BICD1: variants seen among roughly 807,000 people sequenced by gnomAD.
BICD1 encodes the protein BICD cargo adaptor 1, also known as protein bicaudal D homolog 1.
In BICD1, 35 loss-of-function variants were observed where a neutral mutation model predicts 92.5. The ratio of observed to expected loss-of-function variants is 0.38; its 90% CI spans 0.29 to 0.50. The LOEUF is 0.50. Ranked by LOEUF, BICD1 falls within the 20% of genes least tolerant of loss-of-function variation. The pLI is 0.93. For missense variants in BICD1, 950 were observed against 1,189.8 expected (o/e 0.80, Z 2.97); for synonymous variants, 429 against 465.1 (o/e 0.92, Z 1.00).
At chr12:32,326,754 A>G (rs1181635822) in intron 4 of BICD1, among the ~76,000 whole-genome samples, 1 of 152,154 alleles carries the variant, frequency 6.6e-6, no homozygotes, top group Non-Finnish European at 1.5e-5. Context: ...GTGGTGGTGC[A>G]TACCTGTAGT....
chr12:32,210,564 T>C (rs2121549813), intron 1 of BICD1, among the ~76,000 whole-genome samples: 1 of 152,314 alleles, frequency 6.6e-6, no homozygotes, highest in South Asian at 2.1e-4. Flanking sequence ...ATTACATAGC[T>C]AACTGGACTT....
intron 2 of BICD1, among the ~76,000 whole-genome samples, chr12:32,232,525 C>T (rs1456965619): frequency 6.8e-6 from 1 of 147,524 alleles, no homozygotes; most frequent in Non-Finnish European, 1.5e-5. Context: ...AAATTTTCTC[C>T]CATTTTGTAG....
At chr12:32,315,128 G>T (rs1382198408) in intron 4 of BICD1, among the ~76,000 whole-genome samples, 1 of 151,992 alleles carries the variant, frequency 6.6e-6, no homozygotes, top group East Asian at 1.9e-4. Context: ...CTTAATTTTT[G>T]AATATGATAT....
chr12:32,316,179 C>G (rs1292640528), intron 4 of BICD1, among the ~76,000 whole-genome samples: 2 of 151,292 alleles, frequency 1.3e-5, no homozygotes, highest in African/African-American at 4.9e-5. Context: ...GATTTTTGCC[C>G]AACTGTAGGC....
chr12:32,325,974 T>G (rs1043768881), intron 4 of BICD1, among the ~76,000 whole-genome samples: 1 of 141,152 alleles, frequency 7.1e-6, no homozygotes, highest in Non-Finnish European at 1.5e-5. Context: ...TCCCAGCTAC[T>G]GGGGAGGCTG....
rs1463843775 is a variant in BICD1, at chr12:32,313,339, G to A, written c.1005+7217G>A. Reference sequence around the variant, plus strand: ...GTAATTTGCTATATGTCCCATAAGAGTTCAAAGCAATTTTTATATATTTGC... The same window carrying A: ...GTAATTTGCTATATGTCCCATAAGAATTCAAAGCAATTTTTATATATTTGC... On this transcript the variant is annotated intron_variant, in intron 4 of 9. Transcript: ENST00000652176. This position sits in a 1 kb window ranked among gnomAD's most constrained non-coding sequence, Gnocchi z 4.2. Among the ~76,000 whole-genome samples, 1 of 152,112 alleles carries A rather than the reference G, an allele frequency of 6.6e-6. No homozygotes were observed. Among genetic ancestry groups the A allele is most frequent in the Non-Finnish European group, 1.5e-5 (1 of 68,018 alleles).
chr12:32,362,141 C>T (rs113735794), intron 8 of BICD1, among the ~76,000 whole-genome samples: 70 of 152,326 alleles, frequency 4.6e-4, no homozygotes, highest in African/African-American at 1.6e-3. Context: ...AGGCAGATCA[C>T]CTGAGGTCAG....
chr12:32,256,756 C>A (rs1351214973), intron 2 of BICD1, among the ~76,000 whole-genome samples: 2 of 152,054 alleles, frequency 1.3e-5, no homozygotes, highest in East Asian at 3.9e-4. Context: ...TGTTTTTTAT[C>A]TGTAAAAAGG....
chr12:32,375,605 C>A (rs1220265081), intron 9 of BICD1, among the ~76,000 whole-genome samples: 1 of 152,106 alleles, frequency 6.6e-6, no homozygotes, highest in African/African-American at 2.4e-5. Context: ...TGTTTACATA[C>A]CACATTTTAA....
intron 1 of BICD1, among the ~76,000 whole-genome samples, chr12:32,115,141 G>A (rs987466931): frequency 6.6e-6 from 1 of 152,140 alleles, no homozygotes; most frequent in Non-Finnish European, 1.5e-5. Context: ...ACAGGCATGA[G>A]CCATTGCACC....
intron 1 of BICD1, among the ~76,000 whole-genome samples, chr12:32,206,517 A>G (rs1945059745): frequency 6.6e-6 from 1 of 152,146 alleles, no homozygotes; most frequent in East Asian, 1.9e-4. Flanking sequence ...GAGGTAGGAG[A>G]ATCACTTGAA....
intron 2 of BICD1, among the ~76,000 whole-genome samples, chr12:32,276,331 T>C (rs999049839): frequency 6.6e-6 from 1 of 152,148 alleles, no homozygotes; most frequent in African/African-American, 2.4e-5. Context: ...CACTTGGGTT[T>C]TCCTGTTGAG....
intron 4 of BICD1, among the ~76,000 whole-genome samples, chr12:32,306,419 T>C (rs1948221275): frequency 6.6e-6 from 1 of 151,876 alleles, no homozygotes; most frequent in Non-Finnish European, 1.5e-5. Context: ...AATTTTTTTG[T>C]ATTTTTAGTA....
chr12:32,289,883 C>A (rs1947681432), intron 2 of BICD1, among the ~76,000 whole-genome samples: 1 of 152,180 alleles, frequency 6.6e-6, no homozygotes, highest in Non-Finnish European at 1.5e-5. Flanking sequence ...TGGTAAGGTT[C>A]TTTTAAGTTG....
At chr12:32,154,048 C>T (rs1384452673) in intron 1 of BICD1, among the ~76,000 whole-genome samples, 2 of 151,890 alleles carry the variant, frequency 1.3e-5, no homozygotes, top group East Asian at 3.9e-4. Flanking sequence ...AAGGGACTCT[C>T]ACTTTGGAGA....
intron 1 of BICD1, among the ~76,000 whole-genome samples, chr12:32,131,488 A>G (rs1190041456): frequency 6.6e-6 from 1 of 152,216 alleles, no homozygotes; most frequent in Admixed American, 6.5e-5. Context: ...GAGGCTTACA[A>G]AAATACTGTG....
intron 1 of BICD1, among the ~76,000 whole-genome samples, chr12:32,133,317 A>G (rs1942622475): frequency 6.6e-6 from 1 of 152,028 alleles, no homozygotes; most frequent in African/African-American, 2.4e-5. Context: ...GTGAAACCCC[A>G]TCTCTACTAA....
intron 1 of BICD1, among the ~76,000 whole-genome samples, chr12:32,160,189 A>G (rs967036222): frequency 6.6e-6 from 1 of 152,118 alleles, no homozygotes; most frequent in African/African-American, 2.4e-5. Flanking sequence ...GGAATAGCTC[A>G]CTCTGGATAT....
chr12:32,189,234 A>G (rs886522815), intron 1 of BICD1, among the ~76,000 whole-genome samples: 3 of 152,234 alleles, frequency 2.0e-5, no homozygotes, highest in Non-Finnish European at 4.4e-5. Context: ...ACCCTGAGAA[A>G]TAGTTCCATG....
Sources: allele counts gnomAD v4.1 joint callset (sites outside exome capture counted in the v4.1 genomes callset), GRCh38; gene constraint gnomAD v4.1.1; non-coding constraint Gnocchi (gnomAD v3.1); transcripts MANE v1.5; gene names NCBI Gene and HGNC (gene_info 2026-07-23, HGNC 2026-07-21).